The following TMBIM6 variants were observed in gnomAD, a reference collection of about 807,000 sequenced individuals.
TMBIM6 encodes the protein bax inhibitor 1.
Under a neutral mutation model 31.4 loss-of-function variants are expected in TMBIM6, and 13 were observed. The ratio of observed to expected loss-of-function variants is 0.41; its 90% CI spans 0.27 to 0.66. The LOEUF is 0.66. Ranked by LOEUF, TMBIM6 falls within the 30% of genes least tolerant of loss-of-function variation. The pLI is 0.28. For missense variants in TMBIM6, 275 were observed against 289.5 expected, an observed-to-expected ratio of 0.95 and a Z score of 0.36; for synonymous variants, 85 against 101.7, an observed-to-expected ratio of 0.84 and a Z score of 0.99.
chr12:49,755,456 A>G (rs992494483), intron 3 of TMBIM6, among the ~76,000 whole-genome samples, 179 bp from the exon 4 acceptor site: 8 of 152,184 alleles, frequency 5.3e-5, no homozygotes, highest in Non-Finnish European at 1.2e-4. Flanking sequence ...CTGTGCTTCA[A>G]GGCTTCTGGG....
intron 1 of TMBIM6, among the ~76,000 whole-genome samples, chr12:49,752,143 A>G (rs1477855779): frequency 7.2e-5 from 11 of 152,186 alleles, no homozygotes; most frequent in Non-Finnish European, 8.8e-5. Context: ...CTTTAACTAG[A>G]TTGTTAATTG....
chr12:49,756,395 A>T (rs1245239248), intron 4 of TMBIM6, among the ~76,000 whole-genome samples: 1 of 149,552 alleles, frequency 6.7e-6, no homozygotes, highest in Non-Finnish European at 1.5e-5. Context: ...TAGCCTCCCA[A>T]AGTGTTAGGA....
Position 49,763,157 on chromosome 12 carries a change from A to G in TMBIM6, c.*261A>G, listed in dbSNP as rs912205773. ...CTGTAGCCTCTTCCTCTACTCAGGC[A>G]GTCGACCCGCCACGATGAGAAGTGG... On this transcript the variant is annotated 3_prime_UTR_variant, in exon 10 of 10. Coordinates refer to ENST00000267115, the MANE Select transcript of TMBIM6 (RefSeq NM_003217.3). 4.0e-5 allele frequency: 14 copies of G among 353,842 alleles called. No individual in the cohort carries two copies. The highest frequency in any genetic ancestry group is 2.9e-4 in the African/African-American group (14 of 48,940). 21.9% of individuals were successfully genotyped at this position (353,842 alleles called of 1,614,324 possible).
chr12:49,757,732 G>T (rs921011560), intron 4 of TMBIM6, among the ~76,000 whole-genome samples: 1 of 152,194 alleles, frequency 6.6e-6, no homozygotes, highest in Non-Finnish European at 1.5e-5. Flanking sequence ...TAGAACGAAA[G>T]AAATGTTAGA....
chr12:49,761,792 A>G lies in TMBIM6; in HGVS notation c.690+13A>G. The G allele has an allele frequency of 1.2e-6, 2 of 1,613,630 alleles. No individual in the cohort carries two copies. The highest frequency in any genetic ancestry group is 1.7e-6 in the Non-Finnish European group (2 of 1,179,530). On this transcript the variant is annotated intron_variant, in intron 9 of 9. Transcript: ENST00000267115. ...CATGAATGAAAAGGTTAGTTAGCCT[A>G]CAACCCAAAGATGAGACAATAATGG...
intron 8 of TMBIM6, 87 bp from the exon 9 acceptor site, chr12:49,761,617 A>C: frequency 1.7e-6 from 2 of 1,179,440 alleles, no homozygotes; most frequent in Non-Finnish European, 2.4e-6. Flanking sequence ...TCGTGGGGGT[A>C]GGGGTGGGGT....
chr12:49,754,717 C>T (rs1326939799), intron 3 of TMBIM6, among the ~76,000 whole-genome samples: 2 of 152,136 alleles, frequency 1.3e-5, no homozygotes, highest in East Asian at 3.8e-4. Context: ...TCTCTTTTTT[C>T]TAATGCCTAT....
intron 1 of TMBIM6, among the ~76,000 whole-genome samples, chr12:49,746,880 G>A (rs1945405318): frequency 6.9e-6 from 1 of 145,598 alleles, no homozygotes; most frequent in Admixed American, 6.6e-5. Flanking sequence ...CTGTCACCCA[G>A]GCTGGAGTGC....
chr12:49,745,112 A>G (rs1400838929), intron 1 of TMBIM6, among the ~76,000 whole-genome samples: 1 of 152,174 alleles, frequency 6.6e-6, no homozygotes, highest in African/African-American at 2.4e-5. Flanking sequence ...GGGAAGATCA[A>G]AGCTTGGTCC....
chr12:49,748,209 T>TG (rs1555228296), intron 1 of TMBIM6, among the ~76,000 whole-genome samples: 86 of 152,206 alleles, frequency 5.7e-4, no homozygotes, highest in African/African-American at 2.0e-3. Flanking sequence ...GCCTGTTTTT[T>TG]TTTTGTTTTG....
chr12:49,759,369 C>T (rs748477981), intron 8 of TMBIM6, 48 bp downstream of exon 8: 11 of 1,508,118 alleles, frequency 7.3e-6, no homozygotes, highest in South Asian at 2.3e-5. Flanking sequence ...TGAGGCATAC[C>T]GTTCAGCAGC....
intron 9 of TMBIM6, 144 bp from the exon 10 acceptor site, chr12:49,762,729 G>T: frequency 1.2e-6 from 1 of 802,864 alleles, no homozygotes; most frequent in Non-Finnish European, 2.0e-6. Context: ...TTAAGATTCA[G>T]TTCTTGCTGA....
chr12:49,747,783 C>T (rs374600024), intron 1 of TMBIM6, among the ~76,000 whole-genome samples: 206 of 152,272 alleles, frequency 1.4e-3, no homozygotes, highest in South Asian at 0.011. Flanking sequence ...TTGCATAGAA[C>T]GCATACTAAA....
chr12:49,760,844 C>CT (rs144347008), intron 8 of TMBIM6, among the ~76,000 whole-genome samples: 3,195 of 144,096 alleles, frequency 0.022, 107 homozygotes, highest in African/African-American at 0.071. Context: ...GCCCAGCTCA[C>CT]TTTTTTTTTT....
In TMBIM6 at chr12:49,753,118, A is replaced by G. The variant is rs1057041944; in HGVS notation, c.165+37A>G. On this transcript the variant is annotated intron_variant, in intron 3 of 9. Coordinates refer to ENST00000267115, the MANE Select transcript of TMBIM6 (RefSeq NM_003217.3). ...TTTCTCTCCTGGTTGCTGTGGTACA[A>G]ATTACATTAGGAAAAAACCAGCTCA... 2.5e-6 allele frequency: 4 copies of G among 1,579,848 alleles called. No individual in the cohort carries two copies. The African/African-American group carries it at 4.1e-5, about 16-fold the overall frequency.
intron 1 of TMBIM6, among the ~76,000 whole-genome samples, chr12:49,751,571 CCT>C (rs1945494728): frequency 6.6e-6 from 1 of 151,914 alleles, no homozygotes; most frequent in African/African-American, 2.4e-5. Flanking sequence ...GAGGTAGGAA[CCT>C]CTCTTTTTTT....
At chr12:49,741,854 T>G in intron 1 of TMBIM6, 2 of 428,482 alleles carry the variant, frequency 4.7e-6, no homozygotes, top group Admixed American at 8.4e-5. Context: ...TGCGGGGGTT[T>G]TGGGGGGTGT....
chr12:49,743,852 C>CT (rs1945343355), intron 1 of TMBIM6, among the ~76,000 whole-genome samples: 1 of 151,932 alleles, frequency 6.6e-6, no homozygotes, highest in African/African-American at 2.4e-5. Context: ...TGCTATTTAA[C>CT]TTTCTAATGT....
intron 4 of TMBIM6, among the ~76,000 whole-genome samples, chr12:49,757,649 T>A (rs1021573800): frequency 3.3e-5 from 5 of 152,192 alleles, no homozygotes; most frequent in Non-Finnish European, 7.4e-5. Context: ...GGGATTAAAA[T>A]TTTTGCATCA....
Sources: allele counts gnomAD v4.1 joint callset (sites outside exome capture counted in the v4.1 genomes callset), GRCh38; gene constraint gnomAD v4.1.1; transcripts MANE v1.5; gene names NCBI Gene and HGNC (gene_info 2026-07-23, HGNC 2026-07-21).